The following AP2A2 variants were observed in gnomAD, a reference collection of about 807,000 sequenced individuals.
AP2A2 encodes AP-2 complex subunit alpha-2.
A neutral mutation model predicts 104.2 loss-of-function variants in AP2A2; 32 were observed. The ratio of observed to expected loss-of-function variants is 0.31; its 90% CI spans 0.23 to 0.41. The LOEUF (loss-of-function observed/expected upper bound fraction) is 0.41, where lower values mean the gene tolerates loss of function less well. AP2A2 is among the 10% of genes least tolerant of loss of function. The probability of loss-of-function intolerance (pLI) is 1.00; values close to 1 mark genes in which losing one functional copy is unlikely to be tolerated. For missense variants in AP2A2, 912 were observed against 1,261.0 expected, an observed-to-expected ratio of 0.72 and a Z score of 4.19; for synonymous variants, 539 against 533.3, an observed-to-expected ratio of 1.01 and a Z score of -0.15.
At position 985,497 on chromosome 11, in the gene AP2A2, C is replaced by A. The variant is rs1298632088; in HGVS notation, c.877C>A (p.Pro293Thr). 6.2e-7 allele frequency: 1 copy of A among 1,613,892 alleles called. No homozygotes were observed. Among genetic ancestry groups the A allele is most frequent in the Non-Finnish European group, 8.5e-7 (1 of 1,179,900 alleles). Residue 293 changes from proline (P) to threonine (T), a missense_variant, in exon 8 of 22, where the codon CCG (proline) becomes ACG (threonine). Pro to Thr is a conservative substitution (Grantham distance 38). Transcript: ENST00000448903. ...LETILNKAQE[P>T]PKSKKVQHSN... The stretch of plus-strand genomic sequence containing the variant: ...GACCATCCTGAACAAAGCCCAAGAA[C>A]CGCCCAAGTCGAAGAAGGTCCAGCA...
Position 1,011,854 on chromosome 11 carries a change from C to T in AP2A2, c.*1229C>T. On this transcript the variant is annotated 3_prime_UTR_variant, in exon 22 of 22. Transcript: ENST00000448903. ...TGGACCCATCAGGGTCTCCACAGCT[C>T]CCCTGCAGTGTGTGCACCCCACAAT... 3.9e-6 allele frequency: 1 copy of T among 254,218 alleles called. No individual in the cohort carries two copies. The highest frequency in any genetic ancestry group is 7.8e-6 in the Non-Finnish European group (1 of 127,848). 15.7% of individuals were successfully genotyped at this position (254,218 alleles called of 1,614,324 possible).
chr11:1,009,260 C>T (rs748684008), intron 19 of AP2A2, 44 bp downstream of exon 19: 3 of 1,608,266 alleles, frequency 1.9e-6, no homozygotes, highest in South Asian at 2.2e-5. Flanking sequence ...GGGGACGGGG[C>T]TCATTTGAAA....
At chr11:983,614 A>G (rs1048466887) in intron 6 of AP2A2, among the ~76,000 whole-genome samples, 2 of 151,034 alleles carry the variant, frequency 1.3e-5, no homozygotes, top group Non-Finnish European at 2.9e-5. Context: ...CGATCTCCTG[A>G]CCTTGTGATC....
chr11:972,758 G>A (rs1854877291), intron 4 of AP2A2, among the ~76,000 whole-genome samples: 1 of 152,242 alleles, frequency 6.6e-6, no homozygotes, highest in South Asian at 2.1e-4. Context: ...ATACCACTGA[G>A]ATTCAAAACA....
At position 925,906 on chromosome 11, in the gene AP2A2, A is replaced by C; in HGVS notation, c.-116A>C. The C allele has an allele frequency of 1.4e-6, 1 of 740,318 alleles. No homozygotes were observed. The highest frequency in any genetic ancestry group is 1.9e-6 in the Non-Finnish European group (1 of 527,154). The allele number at this position is 740,318 out of a possible 1,614,324, so 45.9% of individuals were successfully genotyped here. ...CTGGGACCCTGAGGCGGCCGTGGTTAGGCGGCTCCCCGGCGGCTCCTCCGC... is the reference window on the plus strand; with the variant it reads ...CTGGGACCCTGAGGCGGCCGTGGTTCGGCGGCTCCCCGGCGGCTCCTCCGC... On this transcript the variant is annotated 5_prime_UTR_variant, in exon 1 of 22. Transcript: ENST00000448903.
At chr11:976,099 C>A (rs969364761) in intron 4 of AP2A2, among the ~76,000 whole-genome samples, 2 of 152,148 alleles carry the variant, frequency 1.3e-5, no homozygotes, top group Admixed American at 6.5e-5. Context: ...GCCCTGCTGG[C>A]GCCTGGAACA....
chr11:1,006,929 T>A, intron 17 of AP2A2: 1 of 294,336 alleles, frequency 3.4e-6, no homozygotes, highest in Admixed American at 5.0e-5. Flanking sequence ...TGACGTGATC[T>A]TTAAACCCCT....
Position 993,983 on chromosome 11 carries a change from C to T in AP2A2, c.1780C>T (p.Leu594=), listed in dbSNP as rs538103810. The T allele has an allele frequency of 1.6e-5, 25 of 1,610,698 alleles. No homozygotes were observed. The South Asian group carries it at 2.7e-4, about 18-fold the overall frequency. Residue 594 remains leucine (L), a splice_region_variant and synonymous_variant, in exon 13 of 22, where the codon CTG becomes TTG. Coordinates refer to ENST00000448903, the MANE Select transcript of AP2A2 (RefSeq NM_012305.4). This position sits in a 1 kb window ranked among gnomAD's most constrained non-coding sequence, Gnocchi z 8.2. The part of the protein sequence containing the change: ...RLSTVASTDI[L]ATVLEEMPPF... ...CAGCACCGTGGCCAGCACCGACATT[C>T]TGGTAGGAGGCCCCCGCCCTTCGGG...
chr11:993,627 A>G lies in AP2A2; in HGVS notation c.1551-127A>G. 4.1e-6 allele frequency: 3 copies of G among 725,782 alleles called. No individual in the cohort carries two copies. The highest frequency in any genetic ancestry group is 6.7e-6 in the Non-Finnish European group (3 of 447,270). The allele number at this position is 725,782 out of a possible 1,614,324, so 45.0% of individuals were successfully genotyped here. A position where few individuals can be genotyped will look rare whatever the true frequency, so the allele number is the denominator to read the frequency against. ...TCTTTGCGGTGGGATCTGGAGCTGG[A>G]AGAGGGTCCCGACCAGCGGCCTCTG... is the stretch of plus-strand genomic sequence containing the variant. On this transcript the variant is annotated intron_variant, in intron 12 of 21. Coordinates refer to ENST00000448903, the MANE Select transcript of AP2A2 (RefSeq NM_012305.4). The surrounding 1 kb of genome is among the most constrained non-coding windows in gnomAD (Gnocchi z 8.2).
rs771424101 is a variant in AP2A2, at chr11:986,863, G to A, written c.1041G>A (p.Leu347=). The A allele has an allele frequency of 4.3e-6, 7 of 1,611,608 alleles. No individual in the cohort carries two copies. The highest frequency in any genetic ancestry group is 3.3e-5 in the Admixed American group (2 of 59,734). The change falls in exon 9 of 22, where the codon CTG becomes CTA. Residue 347 remains leucine (L), a synonymous_variant. Coordinates refer to ENST00000448903, the MANE Select transcript of AP2A2 (RefSeq NM_012305.4). ...ACCGCGAGACCAACCTGCGCTACCT[G>A]GCCCTGGAGAGCATGTGCACGCTGG... ...LQHRETNLRY[L]ALESMCTLAS...
intron 4 of AP2A2, 150 bp from the exon 5 acceptor site, chr11:976,945 C>T: frequency 1.0e-6 from 1 of 967,088 alleles, no homozygotes; most frequent in Non-Finnish European, 1.5e-6. Context: ...CTGCTGCCCC[C>T]TAGGCGGCCT....
intron 18 of AP2A2, 47 bp downstream of exon 18, chr11:1,008,182 G>C (rs369630306): frequency 7.1e-6 from 11 of 1,546,060 alleles, no homozygotes; most frequent in Non-Finnish European, 9.6e-6. Flanking sequence ...GTGGGCGCCT[G>C]AGCTGTGTGC....
chr11:960,849 G>A (rs896456731), intron 2 of AP2A2, among the ~76,000 whole-genome samples: 17 of 151,798 alleles, frequency 1.1e-4, no homozygotes, highest in African/African-American at 4.1e-4. Context: ...GTAGAGACGG[G>A]GGTTTCTCCA....
intron 14 of AP2A2, among the ~76,000 whole-genome samples, chr11:994,929 G>A (rs1249773848): frequency 1.5e-5 from 2 of 129,476 alleles, no homozygotes; most frequent in African/African-American, 5.5e-5. Flanking sequence ...TGTCCTGGGG[G>A]CCACTGTCCC....
rs762827899 is a variant in AP2A2, at chr11:1,010,638, A to C, written c.*13A>C. 1.3e-6 allele frequency: 2 copies of C among 1,579,920 alleles called. No individual in the cohort carries two copies. The highest frequency in any genetic ancestry group is 2.3e-5 in the South Asian group (2 of 86,232). Reference sequence around the variant, plus strand: ...AGCGCAGTTTTAGTCCTGAGGATGGAAGACCAGGCTCGTGTGTCTTGTGTT... The same window carrying C: ...AGCGCAGTTTTAGTCCTGAGGATGGCAGACCAGGCTCGTGTGTCTTGTGTT... On this transcript the variant is annotated 3_prime_UTR_variant, in exon 22 of 22. Coordinates refer to ENST00000448903, the MANE Select transcript of AP2A2 (RefSeq NM_012305.4).
At chr11:975,318 G>A (rs947678518) in intron 4 of AP2A2, among the ~76,000 whole-genome samples, 3 of 151,408 alleles carry the variant, frequency 2.0e-5, no homozygotes, top group Non-Finnish European at 4.4e-5. Context: ...TGGGGTCCTC[G>A]GTCTCCCTCG....
intron 15 of AP2A2, 22 bp from the exon 16 acceptor site, chr11:1,003,700 T>C (rs771063840): frequency 1.1e-5 from 17 of 1,562,586 alleles, no homozygotes; most frequent in African/African-American, 2.7e-5. Flanking sequence ...GAGTGACACA[T>C]ATACTGTCCC....
intron 2 of AP2A2, among the ~76,000 whole-genome samples, chr11:966,219 G>A (rs1328440100): frequency 2.6e-5 from 4 of 152,230 alleles, no homozygotes; most frequent in Non-Finnish European, 4.4e-5. Flanking sequence ...TAGGCCAGGC[G>A]CGGTGGCTCG....
Position 992,295 on chromosome 11 carries a change from C to G in AP2A2, c.1270-208C>G, listed in dbSNP as rs535153905. Among the ~76,000 whole-genome samples the G allele has an allele frequency of 2.6e-5, 4 of 152,342 alleles. No homozygotes were observed. Among genetic ancestry groups the G allele is most frequent in the African/African-American group, 9.6e-5 (4 of 41,582 alleles). On this transcript the variant is annotated intron_variant, in intron 10 of 21. Transcript: ENST00000448903. The surrounding 1 kb of genome is among the most constrained non-coding windows in gnomAD (Gnocchi z 6.4). ...TCTGTGCACTGGTCTCCGCCTCTTCCTGGCTTTCTTTGCTTAAGTCAGGGC... is the reference window on the plus strand; with the variant it reads ...TCTGTGCACTGGTCTCCGCCTCTTCGTGGCTTTCTTTGCTTAAGTCAGGGC...
Sources: allele counts gnomAD v4.1 joint callset (sites outside exome capture counted in the v4.1 genomes callset), GRCh38; gene constraint gnomAD v4.1.1; non-coding constraint Gnocchi (gnomAD v3.1); transcripts MANE v1.5; gene names NCBI Gene and HGNC (gene_info 2026-07-23, HGNC 2026-07-21).